The following OTULIN variants were observed in gnomAD, a reference collection of about 807,000 sequenced individuals.
The protein encoded by OTULIN is OTU deubiquitinase with linear linkage specificity.
A neutral mutation model predicts 39.6 loss-of-function variants in OTULIN; 15 were observed. The ratio of observed to expected loss-of-function variants is 0.38; its 90% confidence interval spans 0.25 to 0.58. The LOEUF (loss-of-function observed/expected upper bound fraction) is 0.58, where lower values mean the gene tolerates loss of function less well. Among genes scored for constraint, OTULIN ranks in the 20% least tolerant of loss-of-function variants. The pLI, the probability that OTULIN is intolerant of heterozygous loss-of-function variation, is 0.66. For synonymous variants in OTULIN, 156 were observed against 170.3 expected (o/e 0.92, Z 0.65); for missense variants, 319 against 445.9 (o/e 0.72, Z 2.56).
intron 3 of OTULIN, among the ~76,000 whole-genome samples, chr5:14,681,174 T>G (rs1465912175): frequency 6.6e-6 from 1 of 151,972 alleles, no homozygotes; most frequent in East Asian, 1.9e-4. Context: ...AAACTTGGGG[T>G]TTTTCTATAT....
At chr5:14,691,897 A>G (rs1334464963) in intron 6 of OTULIN, among the ~76,000 whole-genome samples, 2 of 152,204 alleles carry the variant, frequency 1.3e-5, no homozygotes, top group African/African-American at 4.8e-5. Context: ...TTAAGATTTC[A>G]TCCATATTGC....
At chr5:14,673,249 A>C (rs1267736179) in intron 1 of OTULIN, among the ~76,000 whole-genome samples, 1 of 152,204 alleles carries the variant, frequency 6.6e-6, no homozygotes, top group Non-Finnish European at 1.5e-5. Context: ...GCATTCCTAT[A>C]TAAATATTTT....
At chr5:14,683,088 C>T (rs1399771293) in intron 4 of OTULIN, among the ~76,000 whole-genome samples, 1 of 152,102 alleles carries the variant, frequency 6.6e-6, no homozygotes, top group Non-Finnish European at 1.5e-5. Flanking sequence ...GTTTAATACA[C>T]CAGCATAAAA....
chr5:14,683,868 TC>T (rs1027784756), intron 4 of OTULIN, among the ~76,000 whole-genome samples: 1 of 151,848 alleles, frequency 6.6e-6, no homozygotes, highest in Non-Finnish European at 1.5e-5. Flanking sequence ...GTACAATGTC[TC>T]CCCCCCTTTT....
At chr5:14,671,813 T>G (rs1056028791) in intron 1 of OTULIN, among the ~76,000 whole-genome samples, 4 of 152,244 alleles carry the variant, frequency 2.6e-5, no homozygotes, top group African/African-American at 9.6e-5. Flanking sequence ...CATTAATACT[T>G]TGCAACAGTG....
chr5:14,711,904 G>A, the OTULIN span, among the ~76,000 whole-genome samples: 1 of 152,034 alleles, frequency 6.6e-6, no homozygotes, highest in African/African-American at 2.4e-5. Context: ...TGCCATTATC[G>A]ACACACCAAC....
chr5:14,701,853 C>T (rs566470055), downstream of OTULIN, among the ~76,000 whole-genome samples: 107 of 152,298 alleles, frequency 7.0e-4, no homozygotes, highest in Admixed American at 1.8e-3. Context: ...AGCCCAGTGC[C>T]TACAGTGAGG....
At chr5:14,683,822 TTAAA>T (rs1474724362) in intron 4 of OTULIN, among the ~76,000 whole-genome samples, 5 of 152,184 alleles carry the variant, frequency 3.3e-5, no homozygotes, top group Admixed American at 6.5e-5. Context: ...TCCTAATTAA[TTAAA>T]TAAAGTATAA....
intron 4 of OTULIN, among the ~76,000 whole-genome samples, chr5:14,684,733 G>T (rs866604157): frequency 2.6e-5 from 4 of 152,190 alleles, no homozygotes; most frequent in Non-Finnish European, 5.9e-5. Flanking sequence ...CTGTCTTTTA[G>T]AACATCATTT....
rs1053936460 is a variant in OTULIN, at chr5:14,699,150, C to T, written c.*6102C>T. On this transcript the variant is annotated 3_prime_UTR_variant, in exon 7 of 7. Transcript: ENST00000284274. ...TGTGTGCGAGACATTTCTTTATGAA[C>T]CATTTACACTGCTGGAAATGTACCC... 7 of 152,228 alleles carry T rather than the reference C, an allele frequency of 4.6e-5. No homozygotes were observed. The highest frequency in any genetic ancestry group is 1.7e-4 in the African/African-American group (7 of 41,460). 9.4% of individuals were successfully genotyped at this position (152,228 alleles called of 1,614,324 possible).
At chr5:14,682,843 C>A (rs1736289638) in intron 4 of OTULIN, among the ~76,000 whole-genome samples, 1 of 152,126 alleles carries the variant, frequency 6.6e-6, no homozygotes, top group Non-Finnish European at 1.5e-5. Context: ...GGTCAGAGGC[C>A]ATCTCAAGCT....
intron 3 of OTULIN, among the ~76,000 whole-genome samples, chr5:14,679,578 TACTG>T (rs1311991413): frequency 1.3e-5 from 2 of 152,266 alleles, no homozygotes; most frequent in African/African-American, 2.4e-5. Context: ...ATATTAGAGA[TACTG>T]ACTGTCATAT....
the OTULIN span, chr5:14,712,788 C>T: frequency 7.4e-7 from 1 of 1,352,376 alleles, no homozygotes; most frequent in Non-Finnish European, 1.0e-6. Flanking sequence ...ACGAACGCCA[C>T]CATCCAACCT....
intron 4 of OTULIN, among the ~76,000 whole-genome samples, chr5:14,684,946 C>T (rs1736348427): frequency 6.6e-6 from 1 of 152,194 alleles, no homozygotes; most frequent in South Asian, 2.1e-4. Context: ...GTCATCCTGC[C>T]CAGGTGTCCT....
At chr5:14,673,948 A>G (rs1281108476) in intron 2 of OTULIN, 2 of 310,440 alleles carry the variant, frequency 6.4e-6, no homozygotes, top group Non-Finnish European at 1.2e-5. Flanking sequence ...TTTCACACCT[A>G]TGAGGATTGT....
rs541509494 is a variant in OTULIN, at chr5:14,696,875, T to G, written c.*3827T>G. ...TTGAACAGAACAGTGGTTTAGTGAA[T>G]GTGTGAGGAAAGACATGGGCAACTG... On this transcript the variant is annotated 3_prime_UTR_variant, in exon 7 of 7. Coordinates refer to ENST00000284274, the MANE Select transcript of OTULIN (RefSeq NM_138348.6). 6.6e-6 allele frequency: 1 copy of G among 152,216 alleles called. No homozygotes were observed. The highest frequency in any genetic ancestry group is 2.1e-4 in the South Asian group (1 of 4,836). The allele number at this position is 152,216 out of a possible 1,614,324, so 9.4% of individuals were successfully genotyped here.
chr5:14,700,852 C>T (rs1736782114), downstream of OTULIN, among the ~76,000 whole-genome samples: 1 of 152,092 alleles, frequency 6.6e-6, no homozygotes, highest in African/African-American at 2.4e-5. Flanking sequence ...TCAGGGCGAC[C>T]CATCACCTTT....
chr5:14,684,950 G>C lies in OTULIN; in HGVS notation c.469-2571G>C, dbSNP rs117931942. Among the ~76,000 whole-genome samples the C allele has an allele frequency of 3.3e-5, 5 of 152,256 alleles. No individual in the cohort carries two copies. The East Asian group carries it at 9.7e-4, about 29-fold the overall frequency. On this transcript the variant is annotated intron_variant, in intron 4 of 6. Transcript: ENST00000284274. Reference sequence around the variant, plus strand: ...CCTCACCTCCTGTCATCCTGCCCAGGTGTCCTGTTTGTTGTTCCCATTTCT... The same window carrying C: ...CCTCACCTCCTGTCATCCTGCCCAGCTGTCCTGTTTGTTGTTCCCATTTCT...
At chr5:14,702,052 C>T (rs1223695437), downstream of OTULIN, among the ~76,000 whole-genome samples, 6 of 152,124 alleles carry the variant, frequency 3.9e-5, no homozygotes, top group African/African-American at 1.4e-4. Context: ...CTGTAGCATC[C>T]AAGCCCAAGG....
Sources: allele counts gnomAD v4.1 joint callset (sites outside exome capture counted in the v4.1 genomes callset), GRCh38; gene constraint gnomAD v4.1.1; transcripts MANE v1.5; gene names NCBI Gene and HGNC (gene_info 2026-07-23, HGNC 2026-07-21).